Variants in PTPRD observed in about 807,000 individuals in gnomAD.
PTPRD encodes the protein receptor-type tyrosine-protein phosphatase delta.
A neutral mutation model predicts 214.5 loss-of-function variants in PTPRD; 34 were observed. That is an observed-to-expected ratio of 0.16 (90% CI 0.12 to 0.21). The LOEUF is 0.21. Among genes scored for constraint, PTPRD ranks in the 10% least tolerant of loss-of-function variants. The probability of loss-of-function intolerance (pLI) is 1.00; values close to 1 mark genes in which losing one functional copy is unlikely to be tolerated. For missense variants in PTPRD, 2,545 were observed against 2,398.7 expected (o/e 1.06, Z -1.27); for synonymous variants, 1,128 against 845.7 (o/e 1.33, Z -5.79).
chr9:9,992,361 A>T (rs2095969192), intron 4 of PTPRD, among the ~76,000 whole-genome samples: 2 of 152,216 alleles, frequency 1.3e-5, no homozygotes. Flanking sequence ...ATCATTGGAA[A>T]CTAGTTCAAC....
chr9:9,680,102 C>T (rs1441638111), intron 7 of PTPRD, among the ~76,000 whole-genome samples: 1 of 151,854 alleles, frequency 6.6e-6, no homozygotes, highest in Non-Finnish European at 1.5e-5. Flanking sequence ...GTTTCACTTA[C>T]TCTTGACAGT....
chr9:8,731,987 A>G (rs1257501873), intron 12 of PTPRD, among the ~76,000 whole-genome samples: 1 of 152,220 alleles, frequency 6.6e-6, no homozygotes. Context: ...TGGTATCACA[A>G]AACATACAGC....
At chr9:8,406,312 C>A (rs928616658) in intron 35 of PTPRD, among the ~76,000 whole-genome samples, 1 of 152,206 alleles carries the variant, frequency 6.6e-6, no homozygotes, top group Non-Finnish European at 1.5e-5. Flanking sequence ...AGAACAGCTC[C>A]ACTCAGTGAT....
intron 2 of PTPRD, among the ~76,000 whole-genome samples, chr9:10,564,168 A>ATTTTTTTTTT (rs1591017043): frequency 3.4e-4 from 4 of 11,872 alleles, no homozygotes; most frequent in South Asian, 2.6e-3. Context: ...ACACTAGGCT[A>ATTTTTTTTTT]TTCTTTTTTT....
chr9:9,451,834 G>T (rs185681396), intron 8 of PTPRD, among the ~76,000 whole-genome samples: 12 of 151,240 alleles, frequency 7.9e-5, no homozygotes, highest in Non-Finnish European at 1.0e-4. Context: ...TTGAATTTGC[G>T]CTATAGATAC....
At chr9:9,409,915 T>C (rs1304486328) in intron 8 of PTPRD, among the ~76,000 whole-genome samples, 1 of 152,178 alleles carries the variant, frequency 6.6e-6, no homozygotes, top group Non-Finnish European at 1.5e-5. Context: ...TGAATCTAAA[T>C]ATTTTATTTA....
chr9:10,414,525 C>T (rs996502768), intron 2 of PTPRD, among the ~76,000 whole-genome samples: 2 of 151,798 alleles, frequency 1.3e-5, no homozygotes, highest in Admixed American at 6.6e-5. Flanking sequence ...TGGAAAGCAG[C>T]GTGGCAATTC....
chr9:10,387,533 G>T (rs534422451), intron 2 of PTPRD, among the ~76,000 whole-genome samples: 1 of 151,702 alleles, frequency 6.6e-6, no homozygotes, highest in Non-Finnish European at 1.5e-5. Flanking sequence ...ACCTGGCCTC[G>T]CCTTTCCTCC....
intron 3 of PTPRD, among the ~76,000 whole-genome samples, chr9:10,072,837 T>C (rs1214245963): frequency 1.3e-5 from 2 of 152,116 alleles, no homozygotes; most frequent in Admixed American, 1.3e-4. Flanking sequence ...TATCACTTTC[T>C]AGTTATTTAC....
intron 4 of PTPRD, among the ~76,000 whole-genome samples, chr9:9,947,991 C>G (rs1057014172): frequency 6.6e-6 from 1 of 151,546 alleles, no homozygotes; most frequent in Non-Finnish European, 1.5e-5. Flanking sequence ...ATCCTGGTAG[C>G]AAGATTTTTT....
chr9:8,802,613 T>C (rs1225394532), intron 11 of PTPRD, among the ~76,000 whole-genome samples: 1 of 152,226 alleles, frequency 6.6e-6, no homozygotes, highest in Non-Finnish European at 1.5e-5. Context: ...CAATTACAAA[T>C]TCTAGCTCCT....
chr9:9,770,214 C>G (rs1048841538), intron 5 of PTPRD, among the ~76,000 whole-genome samples: 1 of 152,182 alleles, frequency 6.6e-6, no homozygotes, highest in African/African-American at 2.4e-5. Context: ...AACTAATTTA[C>G]ACTCACACCA....
intron 3 of PTPRD, among the ~76,000 whole-genome samples, chr9:10,106,516 G>A (rs2098634443): frequency 6.6e-6 from 1 of 151,088 alleles, no homozygotes; most frequent in Admixed American, 6.7e-5. Context: ...AGCTGTGAAA[G>A]TGACGGACAC....
At chr9:8,682,224 G>C (rs2097565031) in intron 12 of PTPRD, among the ~76,000 whole-genome samples, 3 of 152,138 alleles carry the variant, frequency 2.0e-5, no homozygotes, top group East Asian at 1.9e-4. Flanking sequence ...TTTTGCACGA[G>C]AGAAGTCTAA....
chr9:10,134,150 T>C (rs1387564411), intron 3 of PTPRD, among the ~76,000 whole-genome samples: 1 of 152,056 alleles, frequency 6.6e-6, no homozygotes, highest in Non-Finnish European at 1.5e-5. Flanking sequence ...ACTGCATCAG[T>C]ACACCACCCA....
At chr9:8,555,081 T>G (rs2083336251) in intron 14 of PTPRD, among the ~76,000 whole-genome samples, 1 of 152,194 alleles carries the variant, frequency 6.6e-6, no homozygotes, top group Admixed American at 6.5e-5. Flanking sequence ...TATTATAATT[T>G]ACTAACTTCC....
At chr9:10,370,158 T>A (rs1249781858) in intron 2 of PTPRD, among the ~76,000 whole-genome samples, 1 of 152,108 alleles carries the variant, frequency 6.6e-6, no homozygotes, top group African/African-American at 2.4e-5. Context: ...TGCTTATCAG[T>A]AGGACGTTGT....
At chr9:10,565,843 C>T (rs1443215342) in intron 2 of PTPRD, among the ~76,000 whole-genome samples, 1 of 151,846 alleles carries the variant, frequency 6.6e-6, no homozygotes, top group African/African-American at 2.4e-5. Context: ...CATATACATG[C>T]ACACACCCAC....
intron 11 of PTPRD, among the ~76,000 whole-genome samples, chr9:9,016,520 T>C (rs1049012402): frequency 2.0e-5 from 3 of 152,066 alleles, no homozygotes; most frequent in Non-Finnish European, 4.4e-5. Flanking sequence ...CTGGTTAAAA[T>C]CGGGGAGATG....
Sources: gnomAD v4.1 joint callset for allele counts (sites outside exome capture counted in the v4.1 genomes callset) on GRCh38, gnomAD v4.1.1 for gene constraint, MANE v1.5 for transcripts, NCBI Gene and HGNC (gene_info 2026-07-23, HGNC 2026-07-21) for gene names.